PCNX2: variants seen among roughly 807,000 people sequenced by gnomAD.
The protein encoded by PCNX2 is pecanex 2, also known as pecanex-like protein 2.
Under a neutral mutation model 223.8 loss-of-function variants are expected in PCNX2, and 168 were observed. That is an observed-to-expected ratio of 0.75 (90% CI 0.66 to 0.85). The LOEUF (loss-of-function observed/expected upper bound fraction) is 0.85, where lower values mean the gene tolerates loss of function less well. Ranked by LOEUF, PCNX2 falls within the 40% of genes least tolerant of loss-of-function variation. The pLI is 0.00. For missense variants in PCNX2, 2,507 were observed against 2,675.5 expected (o/e 0.94, Z 1.39); for synonymous variants, 1,006 against 1,052.6 (o/e 0.96, Z 0.86).
At position 233,079,267 on chromosome 1, in the gene PCNX2, G is replaced by C. The variant is rs150091424; in HGVS notation, c.4076+10794C>G. 1.7e-3 allele frequency among the ~76,000 whole-genome samples: 257 copies of C among 152,258 alleles called. 1 individual carries two copies. Among genetic ancestry groups the C allele is most frequent in the Middle Eastern group, 6.8e-3 (2 of 294 alleles). On this transcript the variant is annotated intron_variant, in intron 23 of 33. Transcript: ENST00000258229. The stretch of plus-strand genomic sequence containing the variant: ...TGGCCGGGTGTGGTGGCTTACACCT[G>C]TAATTCCAGCACTTTGGGAGGCCGA...
chr1:233,204,993 G>A (rs1217542397), intron 13 of PCNX2, among the ~76,000 whole-genome samples: 1 of 151,984 alleles, frequency 6.6e-6, no homozygotes, highest in African/African-American at 2.4e-5. Flanking sequence ...CTAGAACAAG[G>A]GTTACTGCTA....
intron 10 of PCNX2, among the ~76,000 whole-genome samples, chr1:233,221,903 T>TTTCC (rs1657401430): frequency 6.6e-6 from 1 of 152,222 alleles, no homozygotes; most frequent in Non-Finnish European, 1.5e-5. Context: ...AAAGGAAAAT[T>TTTCC]GGTTTCTTCC....
chr1:233,149,946 G>A (rs999799182), intron 19 of PCNX2, among the ~76,000 whole-genome samples: 3 of 151,086 alleles, frequency 2.0e-5, no homozygotes, highest in African/African-American at 4.9e-5. Flanking sequence ...CAATTTACAC[G>A]TCACTTCCTC....
At chr1:233,061,288 T>C (rs1020647089) in intron 23 of PCNX2, among the ~76,000 whole-genome samples, 3 of 152,176 alleles carry the variant, frequency 2.0e-5, no homozygotes, top group African/African-American at 4.8e-5. Context: ...TCCTTTAAAA[T>C]TGATTATATG....
chr1:233,207,958 A>T (rs991697253), intron 13 of PCNX2, among the ~76,000 whole-genome samples: 9 of 146,076 alleles, frequency 6.2e-5, no homozygotes, highest in African/African-American at 1.2e-4. Context: ...ATGAGCATTT[A>T]TTTTTTTTTT....
rs1670049662 is a variant in PCNX2 at position 233,000,616 on chromosome 1, C to G, written c.5098-81G>C. 1 of 1,092,932 alleles carries G rather than the reference C, an allele frequency of 9.1e-7. No homozygotes were observed. Among genetic ancestry groups the G allele is most frequent in the Non-Finnish European group, 1.3e-6 (1 of 754,454 alleles). 67.7% of individuals were successfully genotyped at this position (1,092,932 alleles called of 1,614,324 possible). A position where few individuals can be genotyped will look rare whatever the true frequency, so the allele number is the denominator to read the frequency against. ...AGGAAGCATGCAGATGGCAACTGGC[C>G]AGTGACCTCCAAAGCTAAGCTCTTT... On this transcript the variant is annotated intron_variant, in intron 29 of 33. Coordinates refer to ENST00000258229, the MANE Select transcript of PCNX2 (RefSeq NM_014801.4). The surrounding 1 kb of genome is among the most constrained non-coding windows in gnomAD (Gnocchi z 4.6).
intron 25 of PCNX2, among the ~76,000 whole-genome samples, chr1:233,046,121 AGT>A (rs1671815522): frequency 6.6e-6 from 1 of 152,188 alleles, no homozygotes; most frequent in Non-Finnish European, 1.5e-5. Flanking sequence ...TCCTCTCTGG[AGT>A]GTATTTCTCA....
At chr1:233,229,903 C>G (rs1303458437) in intron 9 of PCNX2, among the ~76,000 whole-genome samples, 1 of 151,864 alleles carries the variant, frequency 6.6e-6, no homozygotes, top group African/African-American at 2.4e-5. Context: ...CCTTAGATAT[C>G]AAAGAAGCCC....
At chr1:233,030,390 T>C (rs1163349722) in intron 25 of PCNX2, among the ~76,000 whole-genome samples, 2 of 152,188 alleles carry the variant, frequency 1.3e-5, no homozygotes, top group Non-Finnish European at 2.9e-5. Flanking sequence ...AACTATAAAA[T>C]CTTTGAGTGT....
chr1:233,088,963 G>A (rs1673738182), intron 23 of PCNX2, among the ~76,000 whole-genome samples: 1 of 152,192 alleles, frequency 6.6e-6, no homozygotes, highest in Non-Finnish European at 1.5e-5. Flanking sequence ...TACAGATGAG[G>A]AAAAGGAGGC....
intron 1 of PCNX2, among the ~76,000 whole-genome samples, chr1:233,268,843 G>A (rs1190549493): frequency 2.0e-5 from 3 of 152,096 alleles, no homozygotes; most frequent in Non-Finnish European, 4.4e-5. Flanking sequence ...GAGTGATTTG[G>A]GGAGCCAGAA....
chr1:233,011,865 C>T (rs1011056366), intron 28 of PCNX2, among the ~76,000 whole-genome samples: 3 of 152,134 alleles, frequency 2.0e-5, no homozygotes, highest in Non-Finnish European at 2.9e-5. Context: ...AACTAGTAAA[C>T]GTGTTTCCCT....
chr1:233,141,440 A>T (rs1677104333), intron 19 of PCNX2, among the ~76,000 whole-genome samples: 1 of 152,188 alleles, frequency 6.6e-6, no homozygotes, highest in Non-Finnish European at 1.5e-5. Flanking sequence ...GCCAAGGTGG[A>T]CAGATCACTT....
At chr1:233,113,104 T>G in intron 21 of PCNX2, 2 of 962,832 alleles carry the variant, frequency 2.1e-6, no homozygotes, top group Non-Finnish European at 2.8e-6. Flanking sequence ...CACAACGCAG[T>G]GAGCTGGCCA....
intron 12 of PCNX2, among the ~76,000 whole-genome samples, chr1:233,217,190 G>A (rs1657005449): frequency 1.3e-5 from 2 of 151,852 alleles, no homozygotes; most frequent in African/African-American, 4.8e-5. Context: ...ACTCAAAAAC[G>A]GCTAAGAGAG....
At chr1:233,148,299 C>T (rs545586813) in intron 19 of PCNX2, among the ~76,000 whole-genome samples, 78 of 152,108 alleles carry the variant, frequency 5.1e-4, no homozygotes, top group Middle Eastern at 3.4e-3. Context: ...GGTGAGGAAA[C>T]AAGTTAAAAT....
intron 25 of PCNX2, among the ~76,000 whole-genome samples, chr1:233,027,704 T>C (rs1671130784): frequency 6.6e-6 from 1 of 152,200 alleles, no homozygotes; most frequent in African/African-American, 2.4e-5. Flanking sequence ...GTGGGCCACA[T>C]GTGGTCTCTG....
the PCNX2 span, among the ~76,000 whole-genome samples, chr1:233,306,108 T>G: frequency 6.6e-6 from 1 of 152,202 alleles, no homozygotes; most frequent in African/African-American, 2.4e-5. Flanking sequence ...TTATTATTTA[T>G]TTGTACTAAT....
At chr1:233,021,298 A>G (rs1243507200) in intron 26 of PCNX2, among the ~76,000 whole-genome samples, 1 of 152,216 alleles carries the variant, frequency 6.6e-6, no homozygotes, top group Non-Finnish European at 1.5e-5. Flanking sequence ...CTGAGTGCTG[A>G]CTTGGGAGTT....
Sources: gnomAD v4.1 joint callset for allele counts (sites outside exome capture counted in the v4.1 genomes callset) on GRCh38, gnomAD v4.1.1 for gene constraint, Gnocchi (gnomAD v3.1) non-coding constraint, MANE v1.5 for transcripts, NCBI Gene and HGNC (gene_info 2026-07-23, HGNC 2026-07-21) for gene names.